Variants in PRKCZ observed in about 807,000 individuals in gnomAD.
The protein encoded by PRKCZ is protein kinase C zeta.
PRKCZ carries 33 observed loss-of-function variants against 79.5 expected under a neutral mutation model. The ratio of observed to expected loss-of-function variants is 0.41; its 90% confidence interval spans 0.31 to 0.55. The LOEUF is 0.55. Among genes scored for constraint, PRKCZ ranks in the 20% least tolerant of loss-of-function variants. The pLI is 0.19. For missense variants in PRKCZ, 578 were observed against 813.5 expected, an observed-to-expected ratio of 0.71 and a Z score of 3.52; for synonymous variants, 342 against 320.9, an observed-to-expected ratio of 1.07 and a Z score of -0.70.
chr1:2,098,050 G>C (rs1666827289), intron 4 of PRKCZ, among the ~76,000 whole-genome samples: 1 of 151,950 alleles, frequency 6.6e-6, no homozygotes, highest in South Asian at 2.1e-4. Context: ...GATGGTTACA[G>C]AACAGGTGAC....
intron 4 of PRKCZ, among the ~76,000 whole-genome samples, chr1:2,108,016 G>C (rs1424429606): frequency 6.6e-6 from 1 of 152,236 alleles, no homozygotes; most frequent in East Asian, 1.9e-4. Flanking sequence ...TGTCAAGGGA[G>C]CCTGCCTCCG....
intron 16 of PRKCZ, among the ~76,000 whole-genome samples, chr1:2,179,332 G>A (rs1207630030): frequency 2.6e-5 from 4 of 152,220 alleles, no homozygotes; most frequent in Non-Finnish European, 5.9e-5. Context: ...TGAAGGAACT[G>A]GGTCCAGACA....
intron 4 of PRKCZ, among the ~76,000 whole-genome samples, chr1:2,066,879 A>G (rs1036791048): frequency 2.0e-5 from 3 of 152,216 alleles, no homozygotes; most frequent in East Asian, 1.9e-4. Flanking sequence ...CCACATGACA[A>G]AACTGTGTTT....
intron 1 of PRKCZ, among the ~76,000 whole-genome samples, chr1:2,052,496 C>G (rs1659771249): frequency 6.6e-6 from 1 of 151,728 alleles, no homozygotes; most frequent in African/African-American, 2.4e-5. Context: ...CCTTCCCTGC[C>G]ACACCTCTTC....
At chr1:2,095,286 C>G (rs1275359151) in intron 4 of PRKCZ, among the ~76,000 whole-genome samples, 2 of 152,144 alleles carry the variant, frequency 1.3e-5, no homozygotes, top group Non-Finnish European at 2.9e-5. Flanking sequence ...TGGCAGGGGC[C>G]CTTGTGTGCG....
intron 4 of PRKCZ, among the ~76,000 whole-genome samples, chr1:2,064,396 C>T (rs1571127606): frequency 1.3e-5 from 2 of 152,014 alleles, no homozygotes; most frequent in East Asian, 3.8e-4. Context: ...ATGTTTTTTT[C>T]TTTTGTTGCC....
chr1:2,164,053 C>T (rs1382414768), intron 10 of PRKCZ, among the ~76,000 whole-genome samples: 1 of 152,168 alleles, frequency 6.6e-6, no homozygotes, highest in Non-Finnish European at 1.5e-5. Flanking sequence ...TCCTTAGATT[C>T]CTGGGGAAAA....
intron 10 of PRKCZ, among the ~76,000 whole-genome samples, chr1:2,159,467 T>G (rs1200209207): frequency 6.6e-6 from 1 of 152,230 alleles, no homozygotes; most frequent in East Asian, 1.9e-4. Context: ...ACTCCTTCGC[T>G]CTGGGCGGCC....
intron 5 of PRKCZ, among the ~76,000 whole-genome samples, chr1:2,139,385 C>T (rs1314958831): frequency 1.3e-5 from 2 of 152,104 alleles, no homozygotes; most frequent in African/African-American, 2.4e-5. Context: ...GTCAGCAGTT[C>T]AAGACCAGCC....
At chr1:2,138,974 C>T (rs145882746) in intron 5 of PRKCZ, among the ~76,000 whole-genome samples, 4 of 151,110 alleles carry the variant, frequency 2.6e-5, no homozygotes, top group Admixed American at 6.6e-5. Flanking sequence ...GGAGAAAAAC[C>T]GGGCAGTGAG....
In PRKCZ at chr1:2,141,324, T is replaced by G. The variant is rs1677262080; in HGVS notation, c.421-2886T>G. On this transcript the variant is annotated intron_variant, in intron 5 of 17. Coordinates refer to ENST00000378567, the MANE Select transcript of PRKCZ (RefSeq NM_002744.6). Reference sequence around the variant, plus strand: ...AACCTTGGTCAATTTGTTTTTTGTTTGTTTGTTTGTTTTTCTTTTTCTTTT... The same window carrying G: ...AACCTTGGTCAATTTGTTTTTTGTTGGTTTGTTTGTTTTTCTTTTTCTTTT... 2.0e-5 allele frequency: 3 copies of G among 149,268 alleles called. No individual in the cohort carries two copies. In the Admixed American group the frequency reaches 2.0e-4, roughly 10 times the overall value. The allele number at this position is 149,268 out of a possible 1,614,324, so 9.2% of individuals were successfully genotyped here. A position where few individuals can be genotyped will look rare whatever the true frequency, so the allele number is the denominator to read the frequency against.
At chr1:2,059,696 T>A (rs1660496195) in intron 4 of PRKCZ, 105 bp downstream of exon 4, 1 of 1,444,562 alleles carries the variant, frequency 6.9e-7, no homozygotes, top group Non-Finnish European at 9.6e-7. Flanking sequence ...AGGTTCACCC[T>A]CGTGGAGCGT....
chr1:2,124,684 C>T (rs1259950783), intron 4 of PRKCZ, among the ~76,000 whole-genome samples: 1 of 152,108 alleles, frequency 6.6e-6, no homozygotes, highest in East Asian at 1.9e-4. Flanking sequence ...GGAGACAGTT[C>T]CATAGGTCTT....
chr1:2,100,251 CT>C (rs1435728718), intron 4 of PRKCZ, among the ~76,000 whole-genome samples: 18 of 152,222 alleles, frequency 1.2e-4, no homozygotes, highest in African/African-American at 4.3e-4. Context: ...CAAAATCTGC[CT>C]TGTGGAAAAA....
rs754516163 is a variant in PRKCZ at position 2,082,548 on chromosome 1, C to T, written c.334+22957C>T. 1.0e-4 allele frequency: 38 copies of T among 381,272 alleles called. No individual in the cohort carries two copies. The highest frequency in any genetic ancestry group is 1.6e-4 in the Admixed American group (5 of 31,144). 23.6% of individuals were successfully genotyped at this position (381,272 alleles called of 1,614,324 possible). On this transcript the variant is annotated intron_variant, in intron 4 of 17. Coordinates refer to ENST00000378567, the MANE Select transcript of PRKCZ (RefSeq NM_002744.6). The surrounding 1 kb of genome is among the most constrained non-coding windows in gnomAD (Gnocchi z 4.4). ...TGGTAAATGCTCTGTGAGGAAGGAA[C>T]GATGGTGGGATTTGTCACTCAGTCG... is the stretch of plus-strand genomic sequence containing the variant.
chr1:2,117,866 G>A (rs956261665), intron 4 of PRKCZ, among the ~76,000 whole-genome samples: 2 of 152,184 alleles, frequency 1.3e-5, no homozygotes, highest in Non-Finnish European at 2.9e-5. Context: ...ATGGTAGACC[G>A]ATGGCATTCC....
intron 4 of PRKCZ, among the ~76,000 whole-genome samples, chr1:2,064,820 A>G (rs1474773474): frequency 6.6e-6 from 1 of 152,196 alleles, no homozygotes; most frequent in Non-Finnish European, 1.5e-5. Flanking sequence ...TTCCTTTTCA[A>G]GATTGTTTTG....
At position 2,056,545 on chromosome 1, in the gene PRKCZ, G is replaced by A; in HGVS notation, c.255G>A (p.Gln85=). Residue 85 remains glutamine (Q), a synonymous_variant, in exon 3 of 18, where the codon CAG becomes CAA. Coordinates refer to ENST00000378567, the MANE Select transcript of PRKCZ (RefSeq NM_002744.6). ...ELEEAFRLAR[Q]CRDEGLIIHV... ...AAGAGGCTTTCCGCCTGGCCCGTCA[G>A]TGCAGGGATGAAGGCCTCATCATTC... is the stretch of plus-strand genomic sequence containing the variant. 6.2e-7 allele frequency: 1 copy of A among 1,613,962 alleles called. No homozygotes were observed. Among genetic ancestry groups the A allele is most frequent in the Non-Finnish European group, 8.5e-7 (1 of 1,179,960 alleles).
chr1:2,097,619 G>C (rs563243019), intron 4 of PRKCZ, among the ~76,000 whole-genome samples: 1 of 151,198 alleles, frequency 6.6e-6, no homozygotes, highest in Admixed American at 6.6e-5. Context: ...GCACCCAGCT[G>C]TAGAGCCCCA....
Sources: gnomAD v4.1 joint callset for allele counts (sites outside exome capture counted in the v4.1 genomes callset) on GRCh38, gnomAD v4.1.1 for gene constraint, Gnocchi (gnomAD v3.1) non-coding constraint, MANE v1.5 for transcripts, NCBI Gene and HGNC (gene_info 2026-07-23, HGNC 2026-07-21) for gene names.